The following BICD1 variants were observed in gnomAD, a reference collection of about 807,000 sequenced individuals.
BICD1 encodes the protein BICD cargo adaptor 1.
A neutral mutation model predicts 92.5 loss-of-function variants in BICD1; 35 were observed. The ratio of observed to expected loss-of-function variants is 0.38; its 90% CI spans 0.29 to 0.50. BICD1 has a LOEUF of 0.50. BICD1 is among the 20% of genes least tolerant of loss of function. The pLI, the probability that BICD1 is intolerant of heterozygous loss-of-function variation, is 0.93. For missense variants in BICD1, 950 were observed against 1,189.8 expected (o/e 0.80, Z 2.97); for synonymous variants, 429 against 465.1 (o/e 0.92, Z 1.00).
chr12:32,165,626 A>G (rs1354660297), intron 1 of BICD1, among the ~76,000 whole-genome samples: 1 of 150,952 alleles, frequency 6.6e-6, no homozygotes, highest in Non-Finnish European at 1.5e-5. Context: ...CGGAGATTGC[A>G]GTGAGCTGAG....
intron 2 of BICD1, among the ~76,000 whole-genome samples, chr12:32,218,698 G>A (rs949088110): frequency 6.6e-6 from 1 of 152,160 alleles, no homozygotes; most frequent in East Asian, 1.9e-4. Flanking sequence ...TTTAGCCTAT[G>A]AATGTGTTTA....
chr12:32,174,404 G>A (rs528751566), intron 1 of BICD1, among the ~76,000 whole-genome samples: 4 of 152,162 alleles, frequency 2.6e-5, no homozygotes, highest in Admixed American at 2.6e-4. Context: ...CTGGGAGGCC[G>A]AGGTGGGAGG....
At chr12:32,308,776 A>T (rs1255644729) in intron 4 of BICD1, among the ~76,000 whole-genome samples, 2 of 152,174 alleles carry the variant, frequency 1.3e-5, no homozygotes, top group Admixed American at 6.5e-5. Flanking sequence ...CCATCAGTCT[A>T]TTGAGAAAGC....
intron 3 of BICD1, among the ~76,000 whole-genome samples, chr12:32,295,057 GGGTGACA>G (rs1393822723): frequency 6.7e-6 from 1 of 148,790 alleles, no homozygotes; most frequent in Non-Finnish European, 1.5e-5. Flanking sequence ...ACTCCAGCCT[GGGTGACA>G]GAGTGAGATT....
intron 1 of BICD1, among the ~76,000 whole-genome samples, chr12:32,141,995 A>T (rs1172543285): frequency 2.0e-5 from 3 of 152,164 alleles, no homozygotes; most frequent in Non-Finnish European, 2.9e-5. Flanking sequence ...TATAAATCTT[A>T]TCAATGTTTT....
At chr12:32,265,009 C>T (rs1024858096) in intron 2 of BICD1, among the ~76,000 whole-genome samples, 11 of 152,092 alleles carry the variant, frequency 7.2e-5, no homozygotes, top group Admixed American at 2.6e-4. Context: ...CTGTGCTGGT[C>T]GCTCCTTTCC....
rs1565593717 is a variant in BICD1, at chr12:32,216,361, T to G, written c.328T>G (p.Leu110Val). 6.2e-7 allele frequency: 1 copy of G among 1,614,158 alleles called. No individual in the cohort carries two copies. Reference protein sequence around the residue: ...SKEAYYLGKILEMQNELKQSR... With the variant: ...SKEAYYLGKIVEMQNELKQSR... ...GGAGGCTTACTATCTGGGGAAGATC[T>G]TGGAGATGCAGAACGAGCTGAAACA... The change falls in exon 2 of 10, where the codon TTG becomes GTG. Residue 110 changes from leucine (L) to valine (V), a missense_variant. Around this residue, in one of 5 missense-constraint regions of BICD1, gnomAD observed 202 missense variants for 205.3 expected, o/e 0.98. Coordinates refer to ENST00000652176, the MANE Select transcript of BICD1 (RefSeq NM_001714.4).
chr12:32,207,116 G>A (rs1055915524), intron 1 of BICD1, among the ~76,000 whole-genome samples: 1 of 152,198 alleles, frequency 6.6e-6, no homozygotes, highest in African/African-American at 2.4e-5. Flanking sequence ...ACAGACAGAG[G>A]CCTTTGAGGC....
At chr12:32,343,481 C>T (rs967572036) in intron 8 of BICD1, among the ~76,000 whole-genome samples, 2 of 152,190 alleles carry the variant, frequency 1.3e-5, no homozygotes, top group African/African-American at 4.8e-5. Context: ...AAAGACCTGA[C>T]TGCAGCATTT....
intron 1 of BICD1, among the ~76,000 whole-genome samples, chr12:32,141,601 G>A (rs562015169): frequency 2.0e-5 from 3 of 152,030 alleles, no homozygotes; most frequent in East Asian, 3.9e-4. Context: ...AGCCTCCCGA[G>A]TAGCTCGGAG....
At chr12:32,315,284 T>C (rs1480397663) in intron 4 of BICD1, among the ~76,000 whole-genome samples, 1 of 152,242 alleles carries the variant, frequency 6.6e-6, no homozygotes, top group Non-Finnish European at 1.5e-5. Context: ...GATGTATATA[T>C]GGGCTTATTT....
intron 1 of BICD1, among the ~76,000 whole-genome samples, chr12:32,207,703 A>G (rs1238569844): frequency 1.3e-5 from 2 of 152,200 alleles, no homozygotes; most frequent in Admixed American, 6.5e-5. Context: ...GTTAAGAAAG[A>G]ATTGAAAATT....
intron 1 of BICD1, among the ~76,000 whole-genome samples, chr12:32,120,754 CA>C (rs1368624213): frequency 7.5e-6 from 1 of 134,060 alleles, no homozygotes; most frequent in Non-Finnish European, 1.6e-5. Flanking sequence ...CACGCATGAC[CA>C]TTTTTTTTTT....
chr12:32,182,890 C>CTTTTTTTT (rs34809684), intron 1 of BICD1, among the ~76,000 whole-genome samples: 1 of 63,844 alleles, frequency 1.6e-5, no homozygotes, highest in Non-Finnish European at 3.0e-5. Context: ...TTCTTTCTTT[C>CTTTTTTTT]TTTTTTTTTT....
intron 1 of BICD1, among the ~76,000 whole-genome samples, chr12:32,173,534 A>G (rs17527955): frequency 0.1 from 15,561 of 152,256 alleles, 1,102 homozygotes; most frequent in Middle Eastern, 0.22. Context: ...CATTGTGATC[A>G]TTCTGGTAAA....
intron 8 of BICD1, among the ~76,000 whole-genome samples, chr12:32,354,513 A>G (rs1189325242): frequency 6.6e-6 from 1 of 152,236 alleles, no homozygotes; most frequent in African/African-American, 2.4e-5. Context: ...ATACGCTATA[A>G]TGGACTTTGC....
intron 4 of BICD1, among the ~76,000 whole-genome samples, chr12:32,306,812 C>T (rs1948240946): frequency 6.6e-6 from 1 of 151,576 alleles, no homozygotes; most frequent in Non-Finnish European, 1.5e-5. Context: ...GTCAGGAGTT[C>T]AAGACCAACC....
chr12:32,160,607 C>A (rs1406854944), intron 1 of BICD1, among the ~76,000 whole-genome samples: 1 of 151,976 alleles, frequency 6.6e-6, no homozygotes, highest in African/African-American at 2.4e-5. Flanking sequence ...TACTTTTATT[C>A]CTTATCATCT....
intron 8 of BICD1, among the ~76,000 whole-genome samples, chr12:32,357,651 G>A (rs1355779596): frequency 1.3e-5 from 2 of 152,090 alleles, no homozygotes; most frequent in African/African-American, 2.4e-5. Flanking sequence ...GTGTCCGCAG[G>A]TCTGTTTTCT....
Sources: gnomAD v4.1 joint callset for allele counts (sites outside exome capture counted in the v4.1 genomes callset) on GRCh38, gnomAD v4.1.1 for gene constraint, gnomAD v4.1.1 regional missense constraint, MANE v1.5 for transcripts, NCBI Gene and HGNC (gene_info 2026-07-23, HGNC 2026-07-21) for gene names.